GLRA3: variants seen among roughly 807,000 people sequenced by gnomAD.
GLRA3 encodes glycine receptor subunit alpha-3.
Under a neutral mutation model 60.4 loss-of-function variants are expected in GLRA3, and 44 were observed. The observed-to-expected ratio is 0.73, with a 90% CI of 0.57 to 0.94. The LOEUF (loss-of-function observed/expected upper bound fraction) is 0.94, where lower values mean the gene tolerates loss of function less well. GLRA3 is among the 40% of genes least tolerant of loss of function. The pLI is 0.00. For missense variants in GLRA3, 508 were observed against 564.6 expected (o/e 0.90, Z 1.02); for synonymous variants, 223 against 192.9 (o/e 1.16, Z -1.29).
intron 2 of GLRA3, among the ~76,000 whole-genome samples, chr4:174,782,570 C>T (rs933556252): frequency 2.0e-5 from 3 of 151,972 alleles, no homozygotes; most frequent in Non-Finnish European, 4.4e-5. Context: ...TAGAAAACCC[C>T]ATTGTCTCAG....
chr4:174,738,209 A>C (rs534362228), intron 3 of GLRA3, among the ~76,000 whole-genome samples: 89 of 152,354 alleles, frequency 5.8e-4, no homozygotes, highest in African/African-American at 1.9e-3. Context: ...TGACAGTAAC[A>C]GATGAAATGT....
Position 174,641,623 on chromosome 4 carries a change from C to T in GLRA3, c.*2163G>A, listed in dbSNP as rs1048294025. 8 of 152,026 alleles carry T rather than the reference C, an allele frequency of 5.3e-5. No homozygotes were observed. The highest frequency in any genetic ancestry group is 4.6e-4 in the Admixed American group (7 of 15,248). 9.4% of individuals were successfully genotyped at this position (152,026 alleles called of 1,614,324 possible). ...TATTGTCTCATGTTTGGTATTTTCA[C>T]TTTCTAAGTTTCTGATTTAACAAAG... On this transcript the variant is annotated 3_prime_UTR_variant, in exon 10 of 10. Transcript: ENST00000274093.
intron 5 of GLRA3, among the ~76,000 whole-genome samples, chr4:174,703,077 A>G (rs1475119445): frequency 2.0e-5 from 3 of 152,232 alleles, no homozygotes; most frequent in Non-Finnish European, 4.4e-5. Context: ...AGAGAAATCA[A>G]CAAATTGCCA....
intron 6 of GLRA3, among the ~76,000 whole-genome samples, chr4:174,681,777 A>G (rs772390800): frequency 6.6e-6 from 1 of 152,006 alleles, no homozygotes; most frequent in Non-Finnish European, 1.5e-5. Flanking sequence ...CCCTAAGCCA[A>G]CTCTAGGGGA....
chr4:174,702,461 T>G (rs995246252), intron 5 of GLRA3, among the ~76,000 whole-genome samples: 1 of 152,172 alleles, frequency 6.6e-6, no homozygotes, highest in African/African-American at 2.4e-5. Context: ...CAGCAATAGC[T>G]CTAAGGTATC....
chr4:174,732,816 T>C (rs896067199), intron 3 of GLRA3, among the ~76,000 whole-genome samples: 1 of 152,114 alleles, frequency 6.6e-6, no homozygotes, highest in Non-Finnish European at 1.5e-5. Context: ...TGTATGTGTG[T>C]ATGTATGTGT....
intron 4 of GLRA3, among the ~76,000 whole-genome samples, chr4:174,716,736 A>C (rs1735931944): frequency 6.6e-6 from 1 of 152,188 alleles, no homozygotes; most frequent in African/African-American, 2.4e-5. Flanking sequence ...TGAGCAGTAC[A>C]TGCGTTAACA....
chr4:174,782,420 C>T (rs1348097491), intron 2 of GLRA3, among the ~76,000 whole-genome samples: 2 of 150,118 alleles, frequency 1.3e-5, no homozygotes, highest in Non-Finnish European at 3.0e-5. Flanking sequence ...GACAGGGATG[C>T]CCTCTCTCAC....
Position 174,656,349 on chromosome 4 carries a change from C to T in GLRA3, c.1116+394G>A, listed in dbSNP as rs568190086. On this transcript the variant is annotated intron_variant, in intron 9 of 9. Coordinates refer to ENST00000274093, the MANE Select transcript of GLRA3 (RefSeq NM_006529.4). ...TATTTTGAGGTCTCTTGTGCAGTTGCTTTTAGAATTTGTTTGTATAAATAA... is the reference window on the plus strand; with the variant it reads ...TATTTTGAGGTCTCTTGTGCAGTTGTTTTTAGAATTTGTTTGTATAAATAA... Among the ~76,000 whole-genome samples the T allele has an allele frequency of 2.0e-5, 3 of 152,114 alleles. No homozygotes were observed. In the South Asian group the frequency reaches 6.2e-4, roughly 32 times the overall value.
At chr4:174,738,791 T>C (rs1385995306) in intron 3 of GLRA3, among the ~76,000 whole-genome samples, 1 of 152,228 alleles carries the variant, frequency 6.6e-6, no homozygotes, top group Non-Finnish European at 1.5e-5. Context: ...CAGTGGTGTA[T>C]TGTAGGACAA....
Position 174,656,747 on chromosome 4 carries a change from T to C in GLRA3, c.1112A>G (p.Asp371Gly). The C allele has an allele frequency of 1.3e-6, 2 of 1,561,430 alleles. No individual in the cohort carries two copies. Among genetic ancestry groups the C allele is most frequent in the Non-Finnish European group, 1.8e-6 (2 of 1,132,388 alleles). The change falls in exon 9 of 10, where the codon GAT becomes GGT. Residue 371 changes from aspartate (D) to glycine (G), a missense_variant. Physicochemically the swap from Asp to Gly is moderately conservative, Grantham distance 94. Transcript: ENST00000274093. ...FALEKFYRFS[D>G]MDDEVRESRF... is the part of the protein sequence containing the mutation. ...GAGTTAAGAAAGTCAATTTACCATA[T>C]CTGAGAAACGGTAAAACTTCTCCAG...
chr4:174,828,751 G>C lies in GLRA3; in HGVS notation c.61C>G (p.Leu21Val). Reference sequence around the variant, plus strand: ...TCCAAGCGAACTCACCTGAGTAACAGTGCTGCTTCCCAGAAGTAAAATCCC... The same window carrying C: ...TCCAAGCGAACTCACCTGAGTAACACTGCTGCTTCCCAGAAGTAAAATCCC... ...VSGFYFWEAA[L>V]LLSLVATKET... The change falls in exon 1 of 10, where the codon CTG becomes GTG. Residue 21 changes from leucine to valine, a missense_variant. By Grantham distance (32) the Leu-to-Val change is conservative. Coordinates refer to ENST00000274093, the MANE Select transcript of GLRA3 (RefSeq NM_006529.4). The C allele has an allele frequency of 6.2e-7, 1 of 1,607,594 alleles. No individual in the cohort carries two copies. The highest frequency in any genetic ancestry group is 1.7e-5 in the Admixed American group (1 of 60,028).
chr4:174,758,033 C>T (rs1033142981), intron 3 of GLRA3, among the ~76,000 whole-genome samples: 2 of 152,008 alleles, frequency 1.3e-5, no homozygotes, highest in African/African-American at 4.8e-5. Flanking sequence ...TTTTCCTGTA[C>T]TCTCGTCCTG....
At chr4:174,714,216 C>G (rs1165783050) in intron 5 of GLRA3, among the ~76,000 whole-genome samples, 1 of 152,084 alleles carries the variant, frequency 6.6e-6, no homozygotes, top group East Asian at 1.9e-4. Flanking sequence ...TATGTTGAAC[C>G]ATTTTAGGGT....
At chr4:174,819,197 G>A (rs1740636468) in intron 1 of GLRA3, among the ~76,000 whole-genome samples, 1 of 152,154 alleles carries the variant, frequency 6.6e-6, no homozygotes, top group Non-Finnish European at 1.5e-5. Context: ...TGAATATAGA[G>A]TAGCTTATTA....
At chr4:174,781,301 A>T (rs1738860361) in intron 2 of GLRA3, among the ~76,000 whole-genome samples, 1 of 150,464 alleles carries the variant, frequency 6.6e-6, no homozygotes, top group Non-Finnish European at 1.5e-5. Context: ...AATCTCTGGG[A>T]TGCATTCAAA....
chr4:174,780,845 A>G (rs1486157234), intron 2 of GLRA3, among the ~76,000 whole-genome samples: 1 of 152,216 alleles, frequency 6.6e-6, no homozygotes, highest in Non-Finnish European at 1.5e-5. Context: ...AGAGACGTAG[A>G]CACCCACACA....
intron 2 of GLRA3, among the ~76,000 whole-genome samples, chr4:174,770,349 T>C (rs1027184279): frequency 5.3e-5 from 8 of 152,038 alleles, no homozygotes; most frequent in Non-Finnish European, 1.0e-4. Flanking sequence ...CATTATAATG[T>C]GCAAGAATGC....
rs201216075 is a variant in GLRA3 at position 174,645,420 on chromosome 4, CAAAAAAAA to C, written c.1117-1364_1117-1357del. On this transcript the variant is annotated intron_variant, in intron 9 of 9. Transcript: ENST00000274093. ...GAGCGACAGAGTGAGACTCCGTCTC[CAAAAAAAA>C]AAAAAAAAAAGAAAATGATGTTGGT... 6.7e-3 allele frequency among the ~76,000 whole-genome samples: 507 copies of C among 76,134 alleles called. 17 individuals carry two copies. In the East Asian group the frequency reaches 0.19, roughly 29 times the overall value. The allele number at this position is 76,134 out of a possible 152,430, so 49.9% of individuals were successfully genotyped here. A position where few individuals can be genotyped will look rare whatever the true frequency, so the allele number is the denominator to read the frequency against.
Sources: allele counts gnomAD v4.1 joint callset (sites outside exome capture counted in the v4.1 genomes callset), GRCh38; gene constraint gnomAD v4.1.1; transcripts MANE v1.5; gene names NCBI Gene and HGNC (gene_info 2026-07-23, HGNC 2026-07-21).